The following PCDH15 variants were observed in gnomAD, a reference collection of about 807,000 sequenced individuals.
PCDH15 encodes the protein protocadherin-15.
Under a neutral mutation model 178.5 loss-of-function variants are expected in PCDH15, and 129 were observed. That is an observed-to-expected ratio of 0.72 (90% CI 0.63 to 0.84). The LOEUF is 0.84. PCDH15 is among the 40% of genes least tolerant of loss of function. The probability of loss-of-function intolerance (pLI) is 0.00; values close to 1 mark genes in which losing one functional copy is unlikely to be tolerated. For synonymous variants in PCDH15, 800 were observed against 732.0 expected (o/e 1.09, Z -1.50); for missense variants, 2,230 against 2,099.9 (o/e 1.06, Z -1.21).
In PCDH15 at chr10:54,289,629, C is replaced by G. The variant is rs567653171; in HGVS notation, c.876+27642G>C. Among the ~76,000 whole-genome samples, 4 of 152,256 alleles carry G rather than the reference C, an allele frequency of 2.6e-5. No individual in the cohort carries two copies. The South Asian group carries it at 8.3e-4, about 32-fold the overall frequency. Reference sequence around the variant, plus strand: ...TAAAGGAGCAAGTTTGAACCCATTGCAAGGAAGCTAAAATCCTTGAAAAAT... The same window carrying G: ...TAAAGGAGCAAGTTTGAACCCATTGGAAGGAAGCTAAAATCCTTGAAAAAT... On this transcript the variant is annotated intron_variant, in intron 8 of 37. Coordinates refer to ENST00000644397, the MANE Select transcript of PCDH15 (RefSeq NM_001384140.1).
At chr10:55,231,281 CT>C (rs1396300257) in intron 1 of PCDH15, among the ~76,000 whole-genome samples, 1 of 151,892 alleles carries the variant, frequency 6.6e-6, no homozygotes, top group Non-Finnish European at 1.5e-5. Context: ...ATCTGGAGAA[CT>C]TTTGTTGAAG....
chr10:54,099,513 A>AATATATATATAT (rs1554965277), intron 15 of PCDH15, among the ~76,000 whole-genome samples: 3 of 117,902 alleles, frequency 2.5e-5, no homozygotes, highest in African/African-American at 1.1e-4. Context: ...AAAAAAAAAA[A>AATATATATATAT]ATATATATAT....
At chr10:55,339,855 T>G (rs1844501093) in intron 2 of PCDH15, among the ~76,000 whole-genome samples, 2 of 152,020 alleles carry the variant, frequency 1.3e-5, no homozygotes, top group African/African-American at 4.8e-5. Context: ...TAATCTAACT[T>G]TATTGTTTTC....
intron 2 of PCDH15, among the ~76,000 whole-genome samples, chr10:55,341,371 C>A (rs1266345917): frequency 1.3e-5 from 2 of 151,892 alleles, no homozygotes; most frequent in Non-Finnish European, 2.9e-5. Flanking sequence ...TACTCAATGA[C>A]AAATTGGAAT....
intron 2 of PCDH15, among the ~76,000 whole-genome samples, chr10:55,037,690 C>T (rs1028802212): frequency 6.6e-6 from 1 of 152,138 alleles, no homozygotes; most frequent in Admixed American, 6.5e-5. Flanking sequence ...TGTAAAATAT[C>T]TGCGGACTCA....
At chr10:55,528,078 C>T (rs1841344208) in intron 2 of PCDH15, among the ~76,000 whole-genome samples, 1 of 151,746 alleles carries the variant, frequency 6.6e-6, no homozygotes, top group African/African-American at 2.4e-5. Context: ...ACTCTGTTGC[C>T]CAAGCAGCAG....
chr10:54,215,299 A>G (rs774020302), intron 9 of PCDH15, among the ~76,000 whole-genome samples: 2 of 151,994 alleles, frequency 1.3e-5, no homozygotes, highest in Non-Finnish European at 2.9e-5. Context: ...TATTTTCCTC[A>G]ACTCTGAGAC....
Position 55,524,914 on chromosome 10 carries a change from T to C in PCDH15, c.-156+102711A>G, listed in dbSNP as rs560645760. Among the ~76,000 whole-genome samples the C allele has an allele frequency of 7.9e-5, 12 of 151,956 alleles. No homozygotes were observed. The East Asian group carries it at 1.2e-3, about 15-fold the overall frequency. ...TTTCTAATACAACTTTACATTGTTGTTTTTAAACAGATGAAACTAAAATTT... is the reference window on the plus strand; with the variant it reads ...TTTCTAATACAACTTTACATTGTTGCTTTTAAACAGATGAAACTAAAATTT... On this transcript the variant is annotated intron_variant, in intron 2 of 5. Coordinates refer to the PCDH15 transcript ENST00000613346.
At chr10:54,129,007 A>G (rs958743860) in intron 15 of PCDH15, among the ~76,000 whole-genome samples, 4 of 152,182 alleles carry the variant, frequency 2.6e-5, no homozygotes, top group Non-Finnish European at 4.4e-5. Flanking sequence ...ATCTAAAAGA[A>G]TGTGATGTAA....
intron 2 of PCDH15, among the ~76,000 whole-genome samples, chr10:54,944,461 A>G (rs549192997): frequency 6.6e-6 from 1 of 152,046 alleles, no homozygotes; most frequent in African/African-American, 2.4e-5. Flanking sequence ...GATTAACAGA[A>G]TCAACTAAAG....
intron 6 of PCDH15, among the ~76,000 whole-genome samples, chr10:54,331,522 A>G (rs1437528287): frequency 6.6e-6 from 1 of 151,996 alleles, no homozygotes; most frequent in Non-Finnish European, 1.5e-5. Context: ...AACTTTGCTT[A>G]TACCTATGAG....
Position 54,436,048 on chromosome 10 carries a change from G to A in PCDH15, c.158-57106C>T, listed in dbSNP as rs1304855880. ...AGAGGAGAGGAGAGAGAGAGAGAGAGAGAAAAGAAAGAAAGAAAGAAAGAA... is the reference window on the plus strand; with the variant it reads ...AGAGGAGAGGAGAGAGAGAGAGAGAAAGAAAAGAAAGAAAGAAAGAAAGAA... On this transcript the variant is annotated intron_variant, in intron 3 of 37. Transcript: ENST00000644397. 5.0e-4 allele frequency among the ~76,000 whole-genome samples: 67 copies of A among 133,512 alleles called. 1 individual carries two copies. The highest frequency in any genetic ancestry group is 1.8e-3 in the African/African-American group (55 of 29,802). 87.6% of individuals were successfully genotyped at this position (133,512 alleles called of 152,430 possible).
chr10:53,871,118 G>A (rs932283886), intron 26 of PCDH15, among the ~76,000 whole-genome samples: 16 of 151,530 alleles, frequency 1.1e-4, no homozygotes, highest in African/African-American at 3.6e-4. Flanking sequence ...CGGGTCACAA[G>A]GTCAGGAGAT....
At chr10:54,528,485 T>A in intron 2 of PCDH15, 1 of 1,053,556 alleles carries the variant, frequency 9.5e-7, no homozygotes. Flanking sequence ...TATGTATATA[T>A]TTAGTGAGAG....
chr10:54,595,445 T>C (rs2092175979), intron 2 of PCDH15, among the ~76,000 whole-genome samples: 1 of 151,460 alleles, frequency 6.6e-6, no homozygotes, highest in African/African-American at 2.4e-5. Flanking sequence ...AGAAAAAAAA[T>C]CCAAAGGACA....
At chr10:54,085,632 A>G (rs538964879) in intron 16 of PCDH15, among the ~76,000 whole-genome samples, 1 of 152,318 alleles carries the variant, frequency 6.6e-6, no homozygotes, top group East Asian at 1.9e-4. Context: ...CACTTAATAC[A>G]TGACACTGAA....
chr10:54,091,553 A>T (rs2094600932), intron 15 of PCDH15, among the ~76,000 whole-genome samples: 1 of 152,208 alleles, frequency 6.6e-6, no homozygotes, highest in African/African-American at 2.4e-5. Context: ...GATGGCCAGA[A>T]GCCTCTCTTG....
chr10:54,156,365 G>A (rs1046462461), intron 13 of PCDH15, among the ~76,000 whole-genome samples: 4 of 152,036 alleles, frequency 2.6e-5, no homozygotes, highest in African/African-American at 9.7e-5. Flanking sequence ...AATGCCACGT[G>A]GAATTCCACG....
intron 2 of PCDH15, among the ~76,000 whole-genome samples, chr10:54,958,332 C>T (rs542337126): frequency 2.6e-5 from 4 of 151,834 alleles, no homozygotes; most frequent in Admixed American, 6.6e-5. Flanking sequence ...GTCTTACCTA[C>T]GTCACCATGG....
Sources: gnomAD v4.1 joint callset for allele counts (sites outside exome capture counted in the v4.1 genomes callset) on GRCh38, gnomAD v4.1.1 for gene constraint, MANE v1.5 for transcripts, NCBI Gene and HGNC (gene_info 2026-07-23, HGNC 2026-07-21) for gene names.